ACSS2: variants seen among roughly 807,000 people sequenced by gnomAD.
The protein encoded by ACSS2 is acetyl-coenzyme A synthetase, cytoplasmic.
A neutral mutation model predicts 90.6 loss-of-function variants in ACSS2; 58 were observed. The observed-to-expected ratio is 0.64, with a 90% CI of 0.52 to 0.80. The LOEUF (loss-of-function observed/expected upper bound fraction) is 0.80, where lower values mean the gene tolerates loss of function less well. Ranked by LOEUF, ACSS2 falls within the 30% of genes least tolerant of loss-of-function variation. The pLI is 0.00. For missense variants in ACSS2, 759 were observed against 912.0 expected (o/e 0.83, Z 2.16); for synonymous variants, 300 against 330.9 (o/e 0.91, Z 1.01).
Position 34,927,172 on chromosome 20 carries a change from C to T in ACSS2, c.2064C>T (p.Val688=). The T allele has an allele frequency of 6.2e-7, 1 of 1,614,118 alleles. No individual in the cohort carries two copies. Among genetic ancestry groups the T allele is most frequent in the Non-Finnish European group, 8.5e-7 (1 of 1,180,034 alleles). ...GDMSTVADPS[V]ISHLFSHRCL... is the part of the protein sequence containing the mutation. The stretch of plus-strand genomic sequence containing the variant: ...TGTCTACTGTGGCTGACCCATCTGT[C>T]ATCAGTCACCTCTTCAGCCACCGCT... The change falls in exon 18 of 18, where the codon GTC becomes GTT. Residue 688 remains valine (V), a synonymous_variant. Coordinates refer to ENST00000360596, the MANE Select transcript of ACSS2 (RefSeq NM_018677.4). The surrounding 1 kb of genome is among the most constrained non-coding windows in gnomAD (Gnocchi z 4.2).
intron 9 of ACSS2, 97 bp downstream of exon 9, chr20:34,920,806 T>C (rs547870825): frequency 1.9e-5 from 28 of 1,480,588 alleles, no homozygotes; most frequent in South Asian, 2.6e-5. Context: ...GGGGGACTTA[T>C]ACAATCATCT....
At chr20:34,912,269 A>G (rs953859011) in intron 2 of ACSS2, among the ~76,000 whole-genome samples, 8 of 152,214 alleles carry the variant, frequency 5.3e-5, no homozygotes, top group African/African-American at 1.9e-4. Context: ...TCACCTGATA[A>G]AGGATGGCGA....
chr20:34,890,462 G>A (rs1427014118), intron 2 of ACSS2, among the ~76,000 whole-genome samples: 1 of 152,148 alleles, frequency 6.6e-6, no homozygotes, highest in African/African-American at 2.4e-5. Flanking sequence ...GTAGCTGAAG[G>A]AGTGGAAGGG....
chr20:34,901,633 C>T (rs1822347623), intron 2 of ACSS2, among the ~76,000 whole-genome samples: 1 of 152,256 alleles, frequency 6.6e-6, no homozygotes, highest in Non-Finnish European at 1.5e-5. Context: ...GATCACAGAA[C>T]TCTTTCACAT....
chr20:34,890,314 C>A (rs2080303494), intron 2 of ACSS2, among the ~76,000 whole-genome samples: 1 of 152,158 alleles, frequency 6.6e-6, no homozygotes, highest in Admixed American at 6.5e-5. Context: ...TTGGTTCCAA[C>A]TTTCTCATGC....
chr20:34,890,590 A>G (rs1469073486), intron 2 of ACSS2, among the ~76,000 whole-genome samples: 24 of 152,082 alleles, frequency 1.6e-4, no homozygotes, highest in Admixed American at 1.6e-3. Flanking sequence ...CATTTATACT[A>G]GCTACTCAGT....
At chr20:34,883,542 G>A (rs558829862) in intron 2 of ACSS2, among the ~76,000 whole-genome samples, 1 of 152,314 alleles carries the variant, frequency 6.6e-6, no homozygotes, top group South Asian at 2.1e-4. Flanking sequence ...AACCTAGGCA[G>A]TATAATTACA....
At chr20:34,920,903 TG>T in intron 9 of ACSS2, 102 bp from the exon 10 acceptor site, 1 of 1,554,852 alleles carries the variant, frequency 6.4e-7, no homozygotes, top group Admixed American at 1.7e-5. Context: ...AGTGAAGATA[TG>T]GTTGGTCAGA....
At chr20:34,913,660 A>G in intron 4 of ACSS2, 93 bp from the exon 5 acceptor site, 1 of 1,342,318 alleles carries the variant, frequency 7.4e-7, no homozygotes, top group Non-Finnish European at 1.1e-6. Context: ...ACCCTGGCTT[A>G]GAGATCCTGA....
chr20:34,925,785 C>T lies in ACSS2; in HGVS notation c.1726+19C>T. On this transcript the variant is annotated intron_variant, in intron 15 of 17. Transcript: ENST00000360596. ...GTATCTGGTGAGGGCCAGGGGCCAC[C>T]TTCCCATCTTATTAACTCTGCTCCT... 1 of 1,608,688 alleles carries T rather than the reference C, an allele frequency of 6.2e-7. No individual in the cohort carries two copies. Among genetic ancestry groups the T allele is most frequent in the Non-Finnish European group, 8.5e-7 (1 of 1,177,586 alleles).
intron 2 of ACSS2, among the ~76,000 whole-genome samples, chr20:34,889,622 T>C (rs1006208140): frequency 6.6e-6 from 1 of 152,182 alleles, no homozygotes; most frequent in Non-Finnish European, 1.5e-5. Context: ...CTATCTTTTA[T>C]ATTAAGAAGA....
chr20:34,925,966 C>A, intron 15 of ACSS2, 139 bp from the exon 16 acceptor site: 1 of 1,038,598 alleles, frequency 9.6e-7, no homozygotes, highest in Non-Finnish European at 1.4e-6. Context: ...GGTGGGGTGA[C>A]TGAAAGCATG....
chr20:34,924,142 G>A (rs1314403959), intron 14 of ACSS2, among the ~76,000 whole-genome samples: 3 of 152,130 alleles, frequency 2.0e-5, no homozygotes, highest in Admixed American at 1.3e-4. Flanking sequence ...ATTATGTCAT[G>A]TTTGTCTTTA....
In ACSS2 at chr20:34,919,595, G is replaced by A. The variant is rs374055107; in HGVS notation, c.972+23G>A. On this transcript the variant is annotated intron_variant, in intron 8 of 17. Transcript: ENST00000360596. ...AAGGCAAGTGTGTGTGTGTGTGTGT[G>A]TGTGTGTGTGTGTGTGTGTGTGTGT... 58 of 1,566,304 alleles carry A rather than the reference G, an allele frequency of 3.7e-5. 1 individual carries two copies. Among genetic ancestry groups the A allele is most frequent in the Middle Eastern group, 2.3e-4 (1 of 4,370 alleles).
rs540917770 is a variant in ACSS2 at position 34,923,068 on chromosome 20, C to T, written c.1549-255C>T. Reference sequence around the variant, plus strand: ...ATTTCCATATACTATTAATTTAATCCTCACAATAACTTTGGAAGACAGAAA... The same window carrying T: ...ATTTCCATATACTATTAATTTAATCTTCACAATAACTTTGGAAGACAGAAA... On this transcript the variant is annotated intron_variant, in intron 13 of 17. Coordinates refer to ENST00000360596, the MANE Select transcript of ACSS2 (RefSeq NM_018677.4). The T allele has an allele frequency of 9.9e-6, 4 of 404,784 alleles. No individual in the cohort carries two copies. In the South Asian group the frequency reaches 1.7e-4, roughly 17 times the overall value. 25.1% of individuals were successfully genotyped at this position (404,784 alleles called of 1,614,324 possible).
upstream of ACSS2, chr20:34,875,001 T>G (rs536648146): frequency 8.3e-5 from 44 of 531,302 alleles, no homozygotes; most frequent in African/African-American, 7.3e-4. Context: ...AAGGCCTGTG[T>G]AGGCTTCAGG....
Position 34,913,438 on chromosome 20 carries a change from C to T in ACSS2, c.512C>T (p.Pro171Leu). The T allele has an allele frequency of 6.2e-7, 1 of 1,613,868 alleles. No individual in the cohort carries two copies. The highest frequency in any genetic ancestry group is 8.5e-7 in the Non-Finnish European group (1 of 1,179,988). ...DRVAIYMPMIPELVVAMLACA... is the reference protein window; with the variant it reads ...DRVAIYMPMILELVVAMLACA... ...GTGGCCATCTACATGCCTATGATCC[C>T]AGAGCTTGTGGTGGCCATGCTGGCA... is the stretch of plus-strand genomic sequence containing the variant. Residue 171 changes from proline to leucine, a missense_variant, in exon 4 of 18, where the codon CCA (proline) becomes CTA (leucine). Coordinates refer to ENST00000360596, the MANE Select transcript of ACSS2 (RefSeq NM_018677.4).
intron 2 of ACSS2, among the ~76,000 whole-genome samples, chr20:34,900,037 A>G (rs2080609809): frequency 6.6e-6 from 1 of 151,952 alleles, no homozygotes; most frequent in South Asian, 2.1e-4. Context: ...GCAATGTATG[A>G]GGTTTCCAAT....
chr20:34,913,888 G>A, intron 5 of ACSS2, 63 bp downstream of exon 5: 1 of 1,540,326 alleles, frequency 6.5e-7, no homozygotes, highest in East Asian at 2.2e-5. Flanking sequence ...TCTCCAATCA[G>A]CTCATTGGTA....
Sources: gnomAD v4.1 joint callset for allele counts (sites outside exome capture counted in the v4.1 genomes callset) on GRCh38, gnomAD v4.1.1 for gene constraint, Gnocchi (gnomAD v3.1) non-coding constraint, MANE v1.5 for transcripts, NCBI Gene and HGNC (gene_info 2026-07-23, HGNC 2026-07-21) for gene names.